Variants in CTNND2 observed in about 807,000 individuals in gnomAD.
CTNND2 encodes the protein catenin delta-2.
In CTNND2, 22 loss-of-function variants were observed where a neutral mutation model predicts 144.4. That is an observed-to-expected ratio of 0.15 (90% CI 0.11 to 0.22). The LOEUF is 0.22. Ranked by LOEUF, CTNND2 falls within the 10% of genes least tolerant of loss-of-function variation. The pLI is 1.00. For missense variants in CTNND2, 1,353 were observed against 1,618.8 expected (o/e 0.84, Z 2.82); for synonymous variants, 751 against 695.6 (o/e 1.08, Z -1.25).
chr5:11,266,674 A>T (rs1288661045), intron 9 of CTNND2, among the ~76,000 whole-genome samples: 1 of 152,174 alleles, frequency 6.6e-6, no homozygotes, highest in East Asian at 1.9e-4. Context: ...GTTAATGCAC[A>T]TTTATCTACA....
chr5:11,257,208 T>C (rs1385751460), intron 9 of CTNND2, among the ~76,000 whole-genome samples: 1 of 152,168 alleles, frequency 6.6e-6, no homozygotes, highest in East Asian at 1.9e-4. Context: ...CAGAATTGTG[T>C]TGTGAAGGAA....
chr5:11,551,398 T>A (rs1169430400), intron 3 of CTNND2, among the ~76,000 whole-genome samples: 1 of 151,526 alleles, frequency 6.6e-6, no homozygotes, highest in Non-Finnish European at 1.5e-5. Flanking sequence ...ACATATTTTA[T>A]CATGTTTTAG....
intron 16 of CTNND2, among the ~76,000 whole-genome samples, chr5:11,036,844 T>C (rs1383798214): frequency 6.6e-6 from 1 of 152,238 alleles, no homozygotes; most frequent in African/African-American, 2.4e-5. Flanking sequence ...CGTAGATTTT[T>C]ATTTGGTTTA....
chr5:11,449,842 C>T (rs577017260), intron 3 of CTNND2, among the ~76,000 whole-genome samples: 22 of 152,200 alleles, frequency 1.4e-4, no homozygotes, highest in South Asian at 4.1e-4. Context: ...TATCTACTGC[C>T]GTGGCTGGCA....
intron 16 of CTNND2, among the ~76,000 whole-genome samples, chr5:11,072,953 C>T (rs747566344): frequency 3.3e-5 from 5 of 152,228 alleles, no homozygotes; most frequent in Non-Finnish European, 7.3e-5. Context: ...ACCACTGGCC[C>T]ATCTGATTGA....
At chr5:11,070,202 A>G (rs951955201) in intron 16 of CTNND2, among the ~76,000 whole-genome samples, 12 of 152,244 alleles carry the variant, frequency 7.9e-5, no homozygotes, top group African/African-American at 2.7e-4. Flanking sequence ...TATTTGTTAA[A>G]TTATCTAGTG....
At chr5:11,228,308 G>A (rs1740585211) in intron 10 of CTNND2, among the ~76,000 whole-genome samples, 1 of 127,216 alleles carries the variant, frequency 7.9e-6, no homozygotes, top group Non-Finnish European at 1.6e-5. Flanking sequence ...TCGTGCCACT[G>A]CACTCCAGCC....
At chr5:11,478,861 G>A (rs887679335) in intron 3 of CTNND2, among the ~76,000 whole-genome samples, 2 of 152,130 alleles carry the variant, frequency 1.3e-5, no homozygotes, top group African/African-American at 2.4e-5. Context: ...GTTAAGAGAC[G>A]TCAGACGGCC....
chr5:11,196,815 T>G (rs1282747133), intron 11 of CTNND2, among the ~76,000 whole-genome samples: 1 of 152,216 alleles, frequency 6.6e-6, no homozygotes, highest in Non-Finnish European at 1.5e-5. Context: ...GGTGTAGACA[T>G]CTCCGTGGCT....
At position 11,345,546 on chromosome 5, in the gene CTNND2, G is replaced by C. The variant is rs563588150; in HGVS notation, c.1628+826C>G. Among the ~76,000 whole-genome samples the C allele has an allele frequency of 4.6e-5, 7 of 152,142 alleles. No homozygotes were observed. The East Asian group carries it at 1.4e-3, about 29-fold the overall frequency. The stretch of plus-strand genomic sequence containing the variant: ...CGTGCTCCATCAGTGAAAATTCCTT[G>C]AGATGAATTTTAAGTACAAGACCAG... On this transcript the variant is annotated intron_variant, in intron 9 of 21. Coordinates refer to ENST00000304623, the MANE Select transcript of CTNND2 (RefSeq NM_001332.4).
intron 19 of CTNND2, among the ~76,000 whole-genome samples, chr5:10,989,126 A>C (rs893653634): frequency 3.3e-5 from 5 of 152,350 alleles, no homozygotes; most frequent in Middle Eastern, 3.4e-3. Context: ...TTGAATTTTC[A>C]TGAGTGACTG....
At position 10,974,453 on chromosome 5, in the gene CTNND2, T is replaced by C. The variant is rs193139040; in HGVS notation, c.3418-740A>G. ...CACATTTTATTTATCCATTCATCCATTGATGGACGCTTGGGTTATTTTTAC... is the reference window on the plus strand; with the variant it reads ...CACATTTTATTTATCCATTCATCCACTGATGGACGCTTGGGTTATTTTTAC... On this transcript the variant is annotated intron_variant, in intron 21 of 21. Coordinates refer to ENST00000304623, the MANE Select transcript of CTNND2 (RefSeq NM_001332.4). 2.2e-4 allele frequency among the ~76,000 whole-genome samples: 34 copies of C among 152,350 alleles called. 1 individual carries two copies. The East Asian group carries it at 2.9e-3, about 13-fold the overall frequency.
chr5:11,775,934 G>A (rs1264829417), intron 1 of CTNND2, among the ~76,000 whole-genome samples: 2 of 152,028 alleles, frequency 1.3e-5, no homozygotes, highest in Non-Finnish European at 2.9e-5. Context: ...CACAGAAGAC[G>A]GCCATATGAA....
chr5:11,383,674 T>C (rs1057411396), intron 7 of CTNND2, among the ~76,000 whole-genome samples: 13 of 152,210 alleles, frequency 8.5e-5, no homozygotes, highest in African/African-American at 3.1e-4. Context: ...TTAAATCCTA[T>C]TTATCTTCAC....
At chr5:11,776,160 T>C (rs1489712008) in intron 1 of CTNND2, among the ~76,000 whole-genome samples, 1 of 152,164 alleles carries the variant, frequency 6.6e-6, no homozygotes, top group Admixed American at 6.5e-5. Flanking sequence ...TGGTAATTGG[T>C]TACAACAGTA....
At chr5:11,063,146 A>G (rs914896316) in intron 16 of CTNND2, among the ~76,000 whole-genome samples, 11 of 152,214 alleles carry the variant, frequency 7.2e-5, no homozygotes, top group African/African-American at 2.7e-4. Context: ...TACTATAAGG[A>G]AAGACCATCT....
chr5:11,470,982 T>TATATATATATATA (rs56744030), intron 3 of CTNND2, among the ~76,000 whole-genome samples: 641 of 37,290 alleles, frequency 0.017, 2 homozygotes, highest in Middle Eastern at 0.021. Context: ...ATATATATAT[T>TATATATATATATA]TTTTTTTTTT....
intron 9 of CTNND2, among the ~76,000 whole-genome samples, chr5:11,290,894 C>T (rs1356107899): frequency 6.6e-6 from 1 of 152,304 alleles, no homozygotes; most frequent in South Asian, 2.1e-4. Flanking sequence ...AGAAGGGACA[C>T]GTGCTGGCAG....
intron 1 of CTNND2, among the ~76,000 whole-genome samples, chr5:11,825,127 A>T (rs1793530752): frequency 6.6e-6 from 1 of 152,184 alleles, no homozygotes; most frequent in African/African-American, 2.4e-5. Context: ...ACCAGGAAAT[A>T]AAAAAATAAA....
Sources: allele counts gnomAD v4.1 joint callset (sites outside exome capture counted in the v4.1 genomes callset), GRCh38; gene constraint gnomAD v4.1.1; transcripts MANE v1.5; gene names NCBI Gene and HGNC (gene_info 2026-07-23, HGNC 2026-07-21).